The following ADAMTS6 variants were observed in gnomAD, a reference collection of about 807,000 sequenced individuals.
The protein encoded by ADAMTS6 is A disintegrin and metalloproteinase with thrombospondin motifs 6.
Under a neutral mutation model 144.3 loss-of-function variants are expected in ADAMTS6, and 23 were observed. That is an observed-to-expected ratio of 0.16 (90% CI 0.11 to 0.23). ADAMTS6 has a LOEUF of 0.23. Ranked by LOEUF, ADAMTS6 falls within the 10% of genes least tolerant of loss-of-function variation. ADAMTS6 has a pLI of 1.00. For synonymous variants in ADAMTS6, 444 were observed against 457.5 expected, an observed-to-expected ratio of 0.97 and a Z score of 0.38; for missense variants, 999 against 1,379.6, an observed-to-expected ratio of 0.72 and a Z score of 4.37.
intron 22 of ADAMTS6, among the ~76,000 whole-genome samples, chr5:65,179,846 T>C (rs1754227103): frequency 6.6e-6 from 1 of 152,210 alleles, no homozygotes; most frequent in Non-Finnish European, 1.5e-5. Flanking sequence ...TTTATAATTA[T>C]GTATTTACAT....
chr5:65,414,759 G>A (rs1161442173), intron 7 of ADAMTS6, among the ~76,000 whole-genome samples: 3 of 152,126 alleles, frequency 2.0e-5, no homozygotes, highest in Admixed American at 6.6e-5. Context: ...GACAAATTGT[G>A]AAAATGTGTT....
chr5:65,300,671 G>T (rs1266438895), intron 9 of ADAMTS6, among the ~76,000 whole-genome samples: 1 of 150,774 alleles, frequency 6.6e-6, no homozygotes, highest in Non-Finnish European at 1.5e-5. Context: ...TTGCTCTGTC[G>T]TCCAGGCTGG....
rs542861295 is a variant in ADAMTS6, at chr5:65,163,934, A to G, written c.3244+6683T>C. Among the ~76,000 whole-genome samples the G allele has an allele frequency of 3.9e-5, 6 of 152,278 alleles. No homozygotes were observed. In the South Asian group the frequency reaches 1.0e-3, roughly 26 times the overall value. On this transcript the variant is annotated intron_variant, in intron 24 of 24. Coordinates refer to ENST00000381055, the MANE Select transcript of ADAMTS6 (RefSeq NM_197941.4). ...GAAATTACTTTCATTTAAATAACAG[A>G]TTTTAAAAAGTCACGATTGTGGCCG...
intron 7 of ADAMTS6, among the ~76,000 whole-genome samples, chr5:65,397,531 T>C (rs1316984428): frequency 1.3e-5 from 2 of 152,142 alleles, no homozygotes; most frequent in Admixed American, 6.5e-5. Context: ...TAGTTCAAAG[T>C]ATTTTTAATT....
chr5:65,444,973 T>C (rs568988930), intron 7 of ADAMTS6, among the ~76,000 whole-genome samples: 7 of 152,244 alleles, frequency 4.6e-5, no homozygotes, highest in South Asian at 2.1e-4. Context: ...TTTTAAATGA[T>C]TGAGTGTCTG....
At chr5:65,253,858 C>T (rs867582654) in intron 14 of ADAMTS6, among the ~76,000 whole-genome samples, 4 of 105,512 alleles carry the variant, frequency 3.8e-5, no homozygotes, top group Non-Finnish European at 5.2e-5. Flanking sequence ...GACAGGATCT[C>T]ACTCTGTCAT....
chr5:65,387,243 A>G (rs774003619), intron 7 of ADAMTS6, among the ~76,000 whole-genome samples: 1 of 152,224 alleles, frequency 6.6e-6, no homozygotes, highest in East Asian at 1.9e-4. Context: ...ACAATTACCC[A>G]TGAGTGCAAA....
chr5:65,353,951 ATAT>A (rs2150093624), intron 7 of ADAMTS6, among the ~76,000 whole-genome samples: 1 of 152,060 alleles, frequency 6.6e-6, no homozygotes, highest in Admixed American at 6.6e-5. Context: ...AATGACTGAC[ATAT>A]TAGTTCATTG....
intron 14 of ADAMTS6, among the ~76,000 whole-genome samples, chr5:65,260,027 T>C (rs976569736): frequency 5.3e-5 from 8 of 152,110 alleles, no homozygotes; most frequent in South Asian, 2.1e-4. Flanking sequence ...TTGAAGACTA[T>C]AGGAGAAGCA....
chr5:65,244,157 C>T (rs1226563445), intron 14 of ADAMTS6, among the ~76,000 whole-genome samples: 4 of 151,740 alleles, frequency 2.6e-5, no homozygotes, highest in African/African-American at 4.8e-5. Context: ...AAAAAGGACT[C>T]GTCAGGGAGT....
chr5:65,466,015 A>G (rs879835704), intron 3 of ADAMTS6, among the ~76,000 whole-genome samples: 1 of 152,170 alleles, frequency 6.6e-6, no homozygotes, highest in Non-Finnish European at 1.5e-5. Flanking sequence ...GACATATCCA[A>G]TATCCTATAC....
At chr5:65,265,238 A>G (rs546012172) in intron 12 of ADAMTS6, among the ~76,000 whole-genome samples, 1 of 152,208 alleles carries the variant, frequency 6.6e-6, no homozygotes, top group Admixed American at 6.5e-5. Context: ...AGAAAAAAAG[A>G]TCATCTGTTC....
intron 22 of ADAMTS6, among the ~76,000 whole-genome samples, chr5:65,179,216 T>C (rs1206797975): frequency 1.3e-5 from 2 of 152,142 alleles, no homozygotes; most frequent in Non-Finnish European, 2.9e-5. Context: ...GTCACTGAGG[T>C]AGGACAAAAA....
intron 7 of ADAMTS6, among the ~76,000 whole-genome samples, chr5:65,390,084 A>T: frequency 6.6e-6 from 1 of 152,058 alleles, no homozygotes; most frequent in Admixed American, 6.6e-5. Flanking sequence ...TAAGTCATTG[A>T]AAAAAAACTA....
chr5:65,198,088 G>A (rs1228790024), intron 20 of ADAMTS6, among the ~76,000 whole-genome samples: 2 of 152,136 alleles, frequency 1.3e-5, no homozygotes, highest in African/African-American at 4.8e-5. Context: ...AGATATCAAA[G>A]AGAAACACGT....
chr5:65,352,107 C>A (rs182333974), intron 7 of ADAMTS6, among the ~76,000 whole-genome samples: 1 of 152,138 alleles, frequency 6.6e-6, no homozygotes, highest in African/African-American at 2.4e-5. Flanking sequence ...TTCTAGCCAA[C>A]TTGTCAAAGT....
intron 7 of ADAMTS6, among the ~76,000 whole-genome samples, chr5:65,401,652 T>C (rs1753924327): frequency 6.6e-6 from 1 of 152,216 alleles, no homozygotes; most frequent in Non-Finnish European, 1.5e-5. Flanking sequence ...ATCCCAGCAC[T>C]GGTTTCCATG....
intron 7 of ADAMTS6, among the ~76,000 whole-genome samples, chr5:65,414,864 C>T (rs1391108494): frequency 1.3e-5 from 2 of 151,922 alleles, no homozygotes; most frequent in East Asian, 3.9e-4. Flanking sequence ...AATGTAAGGG[C>T]TAAAACTACA....
intron 1 of ADAMTS6, among the ~76,000 whole-genome samples, chr5:65,478,349 A>G (rs1760980211): frequency 6.6e-6 from 1 of 152,210 alleles, no homozygotes; most frequent in Non-Finnish European, 1.5e-5. Context: ...ACAGTTGTCC[A>G]AAAATCACAA....
Sources: gnomAD v4.1 joint callset for allele counts (sites outside exome capture counted in the v4.1 genomes callset) on GRCh38, gnomAD v4.1.1 for gene constraint, MANE v1.5 for transcripts, NCBI Gene and HGNC (gene_info 2026-07-23, HGNC 2026-07-21) for gene names.